The following MCTP1 variants were observed in gnomAD, a reference collection of about 807,000 sequenced individuals.
The protein encoded by MCTP1 is multiple C2 and transmembrane domain containing 1.
MCTP1 carries 69 observed loss-of-function variants against 120.6 expected under a neutral mutation model. The observed-to-expected ratio is 0.57, with a 90% CI of 0.47 to 0.70. MCTP1 has a LOEUF of 0.70. MCTP1 is among the 30% of genes least tolerant of loss of function. MCTP1 has a pLI of 0.00. For synonymous variants in MCTP1, 529 were observed against 493.1 expected (o/e 1.07, Z -0.96); for missense variants, 1,203 against 1,248.8 (o/e 0.96, Z 0.55).
In MCTP1 at chr5:94,744,730, C is replaced by T. The variant is rs558032308; in HGVS notation, c.2611-29844G>A. 1.9e-4 allele frequency among the ~76,000 whole-genome samples: 29 copies of T among 152,194 alleles called. No homozygotes were observed. The East Asian group carries it at 5.0e-3, about 26-fold the overall frequency. ...TTCTCCATGTTGGTCAGGCTGATCT[C>T]GAACTCCCAACCTCAGGTGATCCGC... is the stretch of plus-strand genomic sequence containing the variant. On this transcript the variant is annotated intron_variant, in intron 19 of 22. Transcript: ENST00000515393.
intron 19 of MCTP1, among the ~76,000 whole-genome samples, chr5:94,753,558 G>C (rs1769013964): frequency 6.6e-6 from 1 of 152,164 alleles, no homozygotes; most frequent in Non-Finnish European, 1.5e-5. Flanking sequence ...TTGTAATAAT[G>C]ATTGTGGTGT....
chr5:94,998,236 G>C (rs765263394), intron 2 of MCTP1, among the ~76,000 whole-genome samples: 4 of 152,260 alleles, frequency 2.6e-5, no homozygotes, highest in South Asian at 2.1e-4. Flanking sequence ...GATATGTTGA[G>C]ACAAACTAAA....
chr5:95,009,934 T>C (rs1281193294), intron 2 of MCTP1, among the ~76,000 whole-genome samples: 1 of 152,180 alleles, frequency 6.6e-6, no homozygotes, highest in African/African-American at 2.4e-5. Flanking sequence ...GCCACTTCAG[T>C]GCCCGTTACG....
intron 1 of MCTP1, among the ~76,000 whole-genome samples, chr5:95,249,103 T>G (rs113799575): frequency 6.6e-6 from 1 of 151,892 alleles, no homozygotes; most frequent in East Asian, 1.9e-4. Flanking sequence ...TAGGCATGAG[T>G]AAAGACTTCA....
chr5:94,840,646 T>C (rs759380973), intron 17 of MCTP1, among the ~76,000 whole-genome samples: 5 of 152,200 alleles, frequency 3.3e-5, no homozygotes, highest in African/African-American at 7.2e-5. Flanking sequence ...GCTGGATTTA[T>C]CAGGGCTTAC....
chr5:94,717,554 T>G (rs1463329084), intron 19 of MCTP1, among the ~76,000 whole-genome samples: 1 of 152,160 alleles, frequency 6.6e-6, no homozygotes, highest in Non-Finnish European at 1.5e-5. Flanking sequence ...ATAAAGGGTA[T>G]TCACATAGGA....
At chr5:95,192,732 G>A (rs1025786717) in intron 1 of MCTP1, among the ~76,000 whole-genome samples, 2 of 152,020 alleles carry the variant, frequency 1.3e-5, no homozygotes, top group Non-Finnish European at 2.9e-5. Context: ...AATTTTCAGG[G>A]CTCTGAAAAG....
intron 10 of MCTP1, among the ~76,000 whole-genome samples, chr5:94,895,583 A>C (rs1803775506): frequency 6.6e-6 from 1 of 152,222 alleles, no homozygotes; most frequent in African/African-American, 2.4e-5. Flanking sequence ...GCATGAGTGA[A>C]AGGCATTTAA....
chr5:94,785,538 T>TA (rs1777489212), intron 18 of MCTP1, among the ~76,000 whole-genome samples: 1 of 152,064 alleles, frequency 6.6e-6, no homozygotes, highest in South Asian at 2.1e-4. Context: ...GCTTTGCAAG[T>TA]AAAATTAAAA....
rs331562 is a variant in MCTP1 at position 95,146,180 on chromosome 5, G to A, written c.721-128696C>T. On this transcript the variant is annotated intron_variant, in intron 1 of 22. Coordinates refer to ENST00000515393, the MANE Select transcript of MCTP1 (RefSeq NM_024717.7). ...GATTTTCTAAATTTGTGTGCACAGA[G>A]GTGTTCATAATAGTCTTTGTGGATC... is the stretch of plus-strand genomic sequence containing the variant. Among the ~76,000 whole-genome samples, 15 of 152,206 alleles carry A rather than the reference G, an allele frequency of 9.9e-5. No individual in the cohort carries two copies. The South Asian group carries it at 3.1e-3, about 32-fold the overall frequency.
intron 1 of MCTP1, among the ~76,000 whole-genome samples, chr5:95,089,094 T>C (rs931255662): frequency 2.6e-5 from 4 of 152,240 alleles, no homozygotes; most frequent in Non-Finnish European, 5.9e-5. Context: ...ACTGCAATTC[T>C]TCTGGATTTA....
At chr5:94,840,029 A>G (rs1006530594) in intron 17 of MCTP1, among the ~76,000 whole-genome samples, 2 of 152,228 alleles carry the variant, frequency 1.3e-5, no homozygotes, top group African/African-American at 4.8e-5. Flanking sequence ...GACCTCAGGC[A>G]AAGCACTGGA....
At chr5:94,759,689 C>A (rs1422903114) in intron 19 of MCTP1, among the ~76,000 whole-genome samples, 1 of 152,026 alleles carries the variant, frequency 6.6e-6, no homozygotes, top group African/African-American at 2.4e-5. Context: ...CAGATGAATG[C>A]TTTTTAGGCA....
rs767060109 is a variant in MCTP1, at chr5:94,909,382, C to G, written c.1522-1G>C. The G allele has an allele frequency of 6.4e-7, 1 of 1,567,570 alleles. No individual in the cohort carries two copies. Among genetic ancestry groups the G allele is most frequent in the Admixed American group, 2.1e-5 (1 of 46,746 alleles). On this transcript the variant is annotated splice_acceptor_variant, in intron 9 of 22. Coordinates refer to ENST00000515393, the MANE Select transcript of MCTP1 (RefSeq NM_024717.7). LOFTEE classifies it high-confidence loss of function. ...GAGGATTCAACGTTTTTGGCATAAT[C>G]TGGAAAAAAAAATCATAATTGTCAT...
At chr5:95,024,000 GT>G in intron 1 of MCTP1, 1 of 401,348 alleles carries the variant, frequency 2.5e-6, no homozygotes, top group Non-Finnish European at 4.9e-6. Flanking sequence ...TTGGACACTA[GT>G]TCCTTGTTGG....
At chr5:95,208,499 T>A (rs1048902582) in intron 1 of MCTP1, among the ~76,000 whole-genome samples, 1 of 152,182 alleles carries the variant, frequency 6.6e-6, no homozygotes. Flanking sequence ...TATTTTCCCA[T>A]GTTTTAGCTC....
chr5:94,972,902 T>C (rs1441838930), intron 2 of MCTP1, among the ~76,000 whole-genome samples: 1 of 151,796 alleles, frequency 6.6e-6, no homozygotes, highest in Non-Finnish European at 1.5e-5. Flanking sequence ...GTTTCTCATT[T>C]ACAGAACTGA....
chr5:94,903,155 A>T (rs1440065646), intron 10 of MCTP1, among the ~76,000 whole-genome samples: 1 of 151,968 alleles, frequency 6.6e-6, no homozygotes, highest in East Asian at 1.9e-4. Context: ...TTAGTAAAAA[A>T]AAATAGTAAA....
At chr5:94,794,008 T>G (rs2152996687) in intron 18 of MCTP1, among the ~76,000 whole-genome samples, 1 of 152,356 alleles carries the variant, frequency 6.6e-6, no homozygotes, top group South Asian at 2.1e-4. Flanking sequence ...TGCTTTGTCA[T>G]GAGAAGGAGC....
Sources: allele counts gnomAD v4.1 joint callset (sites outside exome capture counted in the v4.1 genomes callset), GRCh38; gene constraint gnomAD v4.1.1; transcripts MANE v1.5; gene names NCBI Gene and HGNC (gene_info 2026-07-23, HGNC 2026-07-21).